The following EYA4 variants were observed in gnomAD, a reference collection of about 807,000 sequenced individuals.
The protein encoded by EYA4 is protein phosphatase EYA4.
A neutral mutation model predicts 87.9 loss-of-function variants in EYA4; 31 were observed. The ratio of observed to expected loss-of-function variants is 0.35; its 90% CI spans 0.27 to 0.48. The LOEUF is 0.48. Among genes scored for constraint, EYA4 ranks in the 20% least tolerant of loss-of-function variants. The pLI, the probability that EYA4 is intolerant of heterozygous loss-of-function variation, is 0.99. For synonymous variants in EYA4, 263 were observed against 270.6 expected, an observed-to-expected ratio of 0.97 and a Z score of 0.28; for missense variants, 678 against 761.4, an observed-to-expected ratio of 0.89 and a Z score of 1.29.
intron 6 of EYA4, among the ~76,000 whole-genome samples, chr6:133,458,355 T>C (rs1794086726): frequency 6.6e-6 from 1 of 152,148 alleles, no homozygotes; most frequent in Admixed American, 6.6e-5. Context: ...GTTCTCAATA[T>C]TTTCAGCAAC....
At chr6:133,311,388 C>T (rs368513913) in intron 2 of EYA4, among the ~76,000 whole-genome samples, 74 of 151,772 alleles carry the variant, frequency 4.9e-4, no homozygotes, top group East Asian at 1.7e-3. Context: ...TGCAGTGATG[C>T]GATCACGGCT....
intron 2 of EYA4, among the ~76,000 whole-genome samples, chr6:133,317,465 T>G (rs1425638206): frequency 1.3e-5 from 2 of 152,326 alleles, no homozygotes; most frequent in East Asian, 3.9e-4. Context: ...TATTTGTGTA[T>G]GTAATTAATA....
intron 1 of EYA4, among the ~76,000 whole-genome samples, chr6:133,260,322 C>CT (rs1775696449): frequency 6.6e-6 from 1 of 152,156 alleles, no homozygotes; most frequent in South Asian, 2.1e-4. Flanking sequence ...ACTGCAATCT[C>CT]TGCCTCCTGG....
chr6:133,271,779 A>G (rs1353966157), intron 1 of EYA4, among the ~76,000 whole-genome samples: 2 of 152,190 alleles, frequency 1.3e-5, no homozygotes, highest in Non-Finnish European at 2.9e-5. Context: ...TTGGGCAATG[A>G]CAGGGGTGGC....
At chr6:133,521,079 A>G (rs1168940151) in intron 17 of EYA4, among the ~76,000 whole-genome samples, 1 of 151,372 alleles carries the variant, frequency 6.6e-6, no homozygotes, top group Admixed American at 6.6e-5. Context: ...CTAAAACACC[A>G]AAAGCAATGG....
chr6:133,495,121 T>C (rs1797524570), intron 13 of EYA4, among the ~76,000 whole-genome samples: 1 of 151,732 alleles, frequency 6.6e-6, no homozygotes, highest in Admixed American at 6.6e-5. Flanking sequence ...ATAAAAAAAT[T>C]AGCCAGGTGT....
chr6:133,265,085 T>C (rs968601189), intron 1 of EYA4, among the ~76,000 whole-genome samples: 2 of 152,152 alleles, frequency 1.3e-5, no homozygotes, highest in African/African-American at 2.4e-5. Context: ...ATATAGAAAC[T>C]TGCTATTATG....
At chr6:133,278,865 G>A (rs1777399486) in intron 2 of EYA4, among the ~76,000 whole-genome samples, 1 of 152,100 alleles carries the variant, frequency 6.6e-6, no homozygotes, top group African/African-American at 2.4e-5. Flanking sequence ...TTAAGTTATA[G>A]CCAGTTACAG....
chr6:133,248,872 T>G (rs964658937), intron 1 of EYA4: 27 of 39,036 alleles, frequency 6.9e-4, no homozygotes, highest in African/African-American at 3.3e-3. Flanking sequence ...TTTTATTTTG[T>G]TTTTTTTTTT....
At chr6:133,526,999 A>C (rs1319892798) in intron 19 of EYA4, among the ~76,000 whole-genome samples, 4 of 152,226 alleles carry the variant, frequency 2.6e-5, no homozygotes, top group Non-Finnish European at 5.9e-5. Flanking sequence ...CCTGTTTTCC[A>C]CAGCATTAAT....
intron 3 of EYA4, among the ~76,000 whole-genome samples, chr6:133,418,995 T>C (rs1258301619): frequency 2.0e-5 from 3 of 152,196 alleles, no homozygotes; most frequent in Non-Finnish European, 4.4e-5. Flanking sequence ...TATTGTCTAA[T>C]AATATCCACT....
Position 133,338,358 on chromosome 6 carries a change from C to T in EYA4, c.34-44034C>T, listed in dbSNP as rs555374369. On this transcript the variant is annotated intron_variant, in intron 2 of 19. Coordinates refer to ENST00000355286, the MANE Select transcript of EYA4 (RefSeq NM_004100.5). Reference sequence around the variant, plus strand: ...AAACTTAAAATCTGTTTGTGCCTTACATGTAGTGAATGAAATAATTACTTT... The same window carrying T: ...AAACTTAAAATCTGTTTGTGCCTTATATGTAGTGAATGAAATAATTACTTT... Among the ~76,000 whole-genome samples, 3 of 152,206 alleles carry T rather than the reference C, an allele frequency of 2.0e-5. No homozygotes were observed. The East Asian group carries it at 5.8e-4, about 29-fold the overall frequency.
intron 13 of EYA4, among the ~76,000 whole-genome samples, chr6:133,484,760 C>A (rs1796546148): frequency 6.6e-6 from 1 of 152,132 alleles, no homozygotes; most frequent in South Asian, 2.1e-4. Flanking sequence ...TTAAAATAAA[C>A]AATCTAATAA....
chr6:133,396,215 CAA>C (rs1254882267), intron 3 of EYA4, among the ~76,000 whole-genome samples: 1 of 152,138 alleles, frequency 6.6e-6, no homozygotes, highest in East Asian at 1.9e-4. Context: ...ATTAATTTGT[CAA>C]AATTCCATAC....
intron 3 of EYA4, among the ~76,000 whole-genome samples, chr6:133,417,255 G>A (rs766115596): frequency 4.1e-4 from 63 of 152,102 alleles, no homozygotes; most frequent in South Asian, 2.1e-4. Context: ...AACACTAGAC[G>A]TTAACTTCTT....
intron 2 of EYA4, among the ~76,000 whole-genome samples, chr6:133,371,322 T>C (rs1433023251): frequency 1.3e-5 from 2 of 152,150 alleles, no homozygotes; most frequent in African/African-American, 4.8e-5. Flanking sequence ...TCCCGTTTGG[T>C]TTACGGGGTC....
At chr6:133,418,721 T>C (rs1789963202) in intron 3 of EYA4, among the ~76,000 whole-genome samples, 1 of 152,180 alleles carries the variant, frequency 6.6e-6, no homozygotes, top group African/African-American at 2.4e-5. Flanking sequence ...GGGGAAATGG[T>C]AGTCCAGGAA....
At chr6:133,320,312 T>C (rs1780984064) in intron 2 of EYA4, among the ~76,000 whole-genome samples, 1 of 152,058 alleles carries the variant, frequency 6.6e-6, no homozygotes, top group Non-Finnish European at 1.5e-5. Flanking sequence ...ATTTTATACA[T>C]TTAAAAAATT....
At chr6:133,332,968 T>A (rs1782095160) in intron 2 of EYA4, among the ~76,000 whole-genome samples, 1 of 152,168 alleles carries the variant, frequency 6.6e-6, no homozygotes, top group Non-Finnish European at 1.5e-5. Flanking sequence ...AGCTTAGATG[T>A]CACTTCCACT....
Sources: allele counts gnomAD v4.1 joint callset (sites outside exome capture counted in the v4.1 genomes callset), GRCh38; gene constraint gnomAD v4.1.1; transcripts MANE v1.5; gene names NCBI Gene and HGNC (gene_info 2026-07-23, HGNC 2026-07-21).